The following LDLRAP1 variants were observed in gnomAD, a reference collection of about 807,000 sequenced individuals.
LDLRAP1 encodes the protein low density lipoprotein receptor adaptor protein 1.
In LDLRAP1, 30 loss-of-function variants were observed where a neutral mutation model predicts 37.8. The observed-to-expected ratio is 0.79, with a 90% CI of 0.59 to 1.08. The LOEUF (loss-of-function observed/expected upper bound fraction) is 1.08, where lower values mean the gene tolerates loss of function less well. LDLRAP1 is among the 50% of genes least tolerant of loss of function. LDLRAP1 has a pLI of 0.00. For synonymous variants in LDLRAP1, 156 were observed against 169.8 expected (o/e 0.92, Z 0.63); for missense variants, 375 against 401.6 (o/e 0.93, Z 0.57).
At chr1:25,546,444 G>A (rs915579066) in intron 1 of LDLRAP1, among the ~76,000 whole-genome samples, 2 of 152,168 alleles carry the variant, frequency 1.3e-5, no homozygotes, top group African/African-American at 4.8e-5. Context: ...TGCCTGCAGT[G>A]GATTCCTGGT....
chr1:25,563,106 G>A lies in LDLRAP1; in HGVS notation c.569G>A (p.Gly190Glu). 1 of 1,614,124 alleles carries A rather than the reference G, an allele frequency of 6.2e-7. No individual in the cohort carries two copies. Among genetic ancestry groups the A allele is most frequent in the Non-Finnish European group, 8.5e-7 (1 of 1,180,024 alleles). ...AGGGACAAAGCCAGCCAAGAGGGAG[G>A]GGACGTCCTGGGGGCCCGCCAAGAC... Reference protein sequence around the residue: ...EKRDKASQEGGDVLGARQDCT... With the variant: ...EKRDKASQEGEDVLGARQDCT... The change falls in exon 6 of 9, where the codon GGG (glycine) becomes GAG (glutamate). Residue 190 changes from glycine (G) to glutamate (E), a missense_variant. Transcript: ENST00000374338.
intron 7 of LDLRAP1, 160 bp from the exon 8 acceptor site, chr1:25,565,013 T>A: frequency 2.7e-6 from 2 of 742,100 alleles, no homozygotes; most frequent in Non-Finnish European, 4.8e-6. Context: ...ATGCTGGCGA[T>A]GCACCCAGGC....
At chr1:25,582,341 C>T in the LDLRAP1 span, among the ~76,000 whole-genome samples, 1 of 152,194 alleles carries the variant, frequency 6.6e-6, no homozygotes, top group Non-Finnish European at 1.5e-5. Flanking sequence ...AATCCCAGCA[C>T]TTTGGGAGGC....
chr1:25,561,503 A>G (rs780220727), intron 4 of LDLRAP1, among the ~76,000 whole-genome samples: 15 of 152,168 alleles, frequency 9.9e-5, no homozygotes, highest in Non-Finnish European at 1.2e-4. Flanking sequence ...GGGGGAGGGC[A>G]GGGAGCGGGG....
In LDLRAP1 at chr1:25,544,094, C is replaced by T. The variant is rs2043871833; in HGVS notation, c.88+308C>T. 1.3e-5 allele frequency among the ~76,000 whole-genome samples: 2 copies of T among 152,104 alleles called. No homozygotes were observed. The highest frequency in any genetic ancestry group is 4.1e-4 in the South Asian group (2 of 4,836). On this transcript the variant is annotated intron_variant, in intron 1 of 8. Transcript: ENST00000374338. This position sits in a 1 kb window ranked among gnomAD's most constrained non-coding sequence, Gnocchi z 4.8. ...TGGGAGAAGAGGCCCCCGCCACCCGCGGCACCTCCCGCCCTGCTGTCCTGG... is the reference window on the plus strand; with the variant it reads ...TGGGAGAAGAGGCCCCCGCCACCCGTGGCACCTCCCGCCCTGCTGTCCTGG...
At chr1:25,553,811 A>C in intron 1 of LDLRAP1, 111 bp from the exon 2 acceptor site, 1 of 1,115,162 alleles carries the variant, frequency 9.0e-7, no homozygotes, top group Non-Finnish European at 1.3e-6. Flanking sequence ...GTGGTGGGGG[A>C]GACCCCCATC....
At chr1:25,571,457 G>A (rs891668097), downstream of LDLRAP1, among the ~76,000 whole-genome samples, 2 of 152,246 alleles carry the variant, frequency 1.3e-5, no homozygotes, top group African/African-American at 4.8e-5. Context: ...TGCCAGCCTC[G>A]GAAGGGCAGG....
rs554544183 is a variant in LDLRAP1, at chr1:25,557,585, C to T, written c.459+318C>T. 4.6e-5 allele frequency among the ~76,000 whole-genome samples: 7 copies of T among 152,220 alleles called. No individual in the cohort carries two copies. In the South Asian group the frequency reaches 1.5e-3, roughly 32 times the overall value. Reference sequence around the variant, plus strand: ...TTGGATCTCCTGTCTTTAATATGGTCTAGGGATGCAGGGCCTTCTGGTGAT... The same window carrying T: ...TTGGATCTCCTGTCTTTAATATGGTTTAGGGATGCAGGGCCTTCTGGTGAT... On this transcript the variant is annotated intron_variant, in intron 4 of 8. Transcript: ENST00000374338.
At chr1:25,562,520 G>C (rs2044366380) in intron 4 of LDLRAP1, 124 bp from the exon 5 acceptor site, 2 of 782,982 alleles carry the variant, frequency 2.6e-6, no homozygotes, top group Non-Finnish European at 4.4e-6. Context: ...AGCCTGGGAT[G>C]GAGCTGCAGA....
rs547670111 is a variant in LDLRAP1 at position 25,568,597 on chromosome 1, A to G, written c.*1605A>G. ...GGATTTGCAGGGTCATTATCAGAAC[A>G]TGAGGATAACTTCCTTGCCCCTGCT... On this transcript the variant is annotated 3_prime_UTR_variant, in exon 9 of 9. Transcript: ENST00000374338. The G allele has an allele frequency of 2.6e-5, 4 of 152,224 alleles. 1 individual carries two copies. The highest frequency in any genetic ancestry group is 1.3e-4 in the Admixed American group (2 of 15,288). The allele number at this position is 152,224 out of a possible 1,614,324, so 9.4% of individuals were successfully genotyped here. A position where few individuals can be genotyped will look rare whatever the true frequency, so the allele number is the denominator to read the frequency against.
At chr1:25,583,532 T>G in the LDLRAP1 span, among the ~76,000 whole-genome samples, 1 of 152,180 alleles carries the variant, frequency 6.6e-6, no homozygotes, top group Admixed American at 6.5e-5. Flanking sequence ...TTCTGTTGTT[T>G]GCAAATAATA....
At chr1:25,569,282 C>T (rs754149362), downstream of LDLRAP1, among the ~76,000 whole-genome samples, 2 of 151,928 alleles carry the variant, frequency 1.3e-5, no homozygotes, top group African/African-American at 4.9e-5. Flanking sequence ...ATCCGCAACA[C>T]TTTATCATTC....
At chr1:25,547,941 G>A (rs776758456) in intron 1 of LDLRAP1, among the ~76,000 whole-genome samples, 13 of 152,234 alleles carry the variant, frequency 8.5e-5, no homozygotes, top group Admixed American at 2.6e-4. Context: ...TCTGGGGGCT[G>A]TGTGAGGGGC....
intron 1 of LDLRAP1, chr1:25,549,880 A>G (rs1377705753): frequency 1.3e-5 from 2 of 152,376 alleles, no homozygotes; most frequent in Non-Finnish European, 2.9e-5. Flanking sequence ...ATGTGCACAG[A>G]CCACAGGAGG....
the LDLRAP1 span, among the ~76,000 whole-genome samples, chr1:25,582,512 G>A: frequency 2.0e-5 from 3 of 150,674 alleles, no homozygotes; most frequent in East Asian, 5.8e-4. Flanking sequence ...TTGAACCTGG[G>A]AGGTGGAGGT....
At chr1:25,574,143 C>T in the LDLRAP1 span, among the ~76,000 whole-genome samples, 5 of 152,108 alleles carry the variant, frequency 3.3e-5, no homozygotes, top group Admixed American at 2.6e-4. Context: ...AAAGAGCAAG[C>T]GCAAAGCCCC....
rs62619761 is a variant in LDLRAP1, at chr1:25,567,055, G to C, written c.*63G>C. ...GTGATGGACCAAAGCCACCTGCTGCGGGGGAGCCAGTTCTGGGGCCCGCCT... is the reference window on the plus strand; with the variant it reads ...GTGATGGACCAAAGCCACCTGCTGCCGGGGAGCCAGTTCTGGGGCCCGCCT... On this transcript the variant is annotated 3_prime_UTR_variant, in exon 9 of 9. Coordinates refer to ENST00000374338, the MANE Select transcript of LDLRAP1 (RefSeq NM_015627.3). 6.2e-7 allele frequency: 1 copy of C among 1,604,718 alleles called. No individual in the cohort carries two copies. The highest frequency in any genetic ancestry group is 1.7e-5 in the Admixed American group (1 of 59,742).
chr1:25,588,207 T>C, the LDLRAP1 span, among the ~76,000 whole-genome samples: 6 of 152,170 alleles, frequency 3.9e-5, no homozygotes, highest in Non-Finnish European at 5.9e-5. Context: ...CCCCATGTGA[T>C]AGTCTGAAAT....
chr1:25,549,462 C>G lies in LDLRAP1; in HGVS notation c.89-4460C>G, dbSNP rs536803168. 5.9e-5 allele frequency among the ~76,000 whole-genome samples: 9 copies of G among 152,330 alleles called. No homozygotes were observed. In the South Asian group the frequency reaches 1.9e-3, roughly 32 times the overall value. On this transcript the variant is annotated intron_variant, in intron 1 of 8. Coordinates refer to ENST00000374338, the MANE Select transcript of LDLRAP1 (RefSeq NM_015627.3). The stretch of plus-strand genomic sequence containing the variant: ...AGGGCATTCAGCCCAGCTCTGACTC[C>G]CGGGTGGTTGGGGGACCTTAACAAG...
Sources: allele counts gnomAD v4.1 joint callset (sites outside exome capture counted in the v4.1 genomes callset), GRCh38; gene constraint gnomAD v4.1.1; non-coding constraint Gnocchi (gnomAD v3.1); transcripts MANE v1.5; gene names NCBI Gene and HGNC (gene_info 2026-07-23, HGNC 2026-07-21).